Variants in C14orf39 observed in about 807,000 individuals in gnomAD.
C14orf39 encodes protein SIX6OS1.
C14orf39 carries 66 observed loss-of-function variants against 85.6 expected under a neutral mutation model. That is an observed-to-expected ratio of 0.77 (90% CI 0.63 to 0.95). The LOEUF (loss-of-function observed/expected upper bound fraction) is 0.95, where lower values mean the gene tolerates loss of function less well. Ranked by LOEUF, C14orf39 falls within the 40% of genes least tolerant of loss-of-function variation. The pLI, the probability that C14orf39 is intolerant of heterozygous loss-of-function variation, is 0.00. For synonymous variants in C14orf39, 242 were observed against 214.0 expected (o/e 1.13, Z -1.14); for missense variants, 735 against 663.9 (o/e 1.11, Z -1.18).
Position 60,483,741 on chromosome 14 carries a change from TTCC to T in C14orf39, c.180_182del (p.Glu61del). Reference sequence around the variant, plus strand: ...CACTATGTTTACAGTAATGATCAATTTCCTCATCTGTTGCATTTATAGTTTCGT... The same window carrying T: ...CACTATGTTTACAGTAATGATCAATTTCATCTGTTGCATTTATAGTTTCGT... On this transcript the variant is annotated inframe_deletion, in exon 4 of 18. Transcript: ENST00000321731. 1 of 1,596,112 alleles carries T rather than the reference TTCC, an allele frequency of 6.3e-7. No individual in the cohort carries two copies.
chr14:60,451,372 A>G (rs984299343), intron 16 of C14orf39, among the ~76,000 whole-genome samples: 5 of 152,156 alleles, frequency 3.3e-5, no homozygotes, highest in African/African-American at 1.2e-4. Flanking sequence ...TCATGCTACT[A>G]TAAAGACACA....
In C14orf39 at chr14:60,505,968, G is replaced by C. The variant is rs890375046; in HGVS notation, c.-143-6538C>G. Among the ~76,000 whole-genome samples the C allele has an allele frequency of 4.3e-4, 65 of 152,170 alleles. 1 individual carries two copies. Among genetic ancestry groups the C allele is most frequent in the Non-Finnish European group, 6.5e-4 (44 of 68,026 alleles). On this transcript the variant is annotated intron_variant, in intron 1 of 5. Coordinates refer to the C14orf39 transcript ENST00000556799. ...TGAACTCCAGATATTTCCGGCATGAGCCTCAGAATTCCCTGGGGGCACTTT... is the reference window on the plus strand; with the variant it reads ...TGAACTCCAGATATTTCCGGCATGACCCTCAGAATTCCCTGGGGGCACTTT...
chr14:60,509,952 C>A (rs1326036486), intron 1 of C14orf39: 11 of 1,605,596 alleles, frequency 6.9e-6, no homozygotes, highest in Non-Finnish European at 3.4e-6. Flanking sequence ...AGGGACCGAG[C>A]GGCTGCAGCC....
chr14:60,437,089 T>C (rs372218228), intron 17 of C14orf39, 42 bp from the exon 18 acceptor site: 99 of 1,373,820 alleles, frequency 7.2e-5, no homozygotes, highest in Non-Finnish European at 8.9e-5. Flanking sequence ...CTTCATATTA[T>C]ATAAAATTTT....
intron 17 of C14orf39, among the ~76,000 whole-genome samples, chr14:60,439,831 T>C (rs1890422980): frequency 6.6e-6 from 1 of 152,206 alleles, no homozygotes; most frequent in African/African-American, 2.4e-5. Context: ...CCCAGCACTT[T>C]GGGAGGCCGA....
chr14:60,511,309 A>C, intron 1 of C14orf39: 2 of 1,566,188 alleles, frequency 1.3e-6, no homozygotes, highest in Non-Finnish European at 8.8e-7. Flanking sequence ...GAAAAACAAA[A>C]TGAAAGAGGG....
rs565904639 is a variant in C14orf39, at chr14:60,485,037, T to C, written c.42A>G (p.Leu14=). Residue 14 remains leucine, a synonymous_variant, in exon 2 of 18, where the codon CTA becomes CTG. Coordinates refer to ENST00000321731, the MANE Select transcript of C14orf39 (RefSeq NM_174978.3). ...TTTTCACTTTATACCTACCAAATTC[T>C]AGCAAAAGTCTGTCCAAACTGACAA... ...SLFVSLDRLL[L]EFVFQYEQDI... is the part of the protein sequence containing the mutation. 60 of 1,609,492 alleles carry C rather than the reference T, an allele frequency of 3.7e-5. 1 individual carries two copies. The South Asian group carries it at 6.6e-4, about 18-fold the overall frequency.
chr14:60,507,724 T>G (rs1351082321), intron 1 of C14orf39, among the ~76,000 whole-genome samples: 1 of 152,142 alleles, frequency 6.6e-6, no homozygotes, highest in African/African-American at 2.4e-5. Context: ...GCCTTCTGAT[T>G]TACCAGATCT....
chr14:60,507,639 C>T (rs1893222403), intron 1 of C14orf39, among the ~76,000 whole-genome samples: 1 of 152,252 alleles, frequency 6.6e-6, no homozygotes, highest in Admixed American at 6.5e-5. Context: ...GGTTTTCCGT[C>T]AGAACGAGCT....
intron 1 of C14orf39, among the ~76,000 whole-genome samples, chr14:60,506,814 C>G (rs941519441): frequency 6.6e-6 from 1 of 152,198 alleles, no homozygotes; most frequent in Non-Finnish European, 1.5e-5. Context: ...GCCTCAGACA[C>G]GCAGAAGCTA....
intron 8 of C14orf39, among the ~76,000 whole-genome samples, 195 bp downstream of exon 8, chr14:60,469,335 TTAA>T (rs1184130619): frequency 6.8e-6 from 1 of 147,708 alleles, no homozygotes; most frequent in African/African-American, 2.4e-5. Context: ...ATAAAATATA[TTAA>T]TAAAATTAAT....
chr14:60,499,136 A>G (rs1304096951), intron 2 of C14orf39, among the ~76,000 whole-genome samples: 1 of 151,976 alleles, frequency 6.6e-6, no homozygotes, highest in Non-Finnish European at 1.5e-5. Flanking sequence ...GGCGCCTGTT[A>G]TCCCAGCTAC....
rs774172430 is a variant in C14orf39, at chr14:60,478,294, C to T, written c.323+6G>A. 2.1e-6 allele frequency: 3 copies of T among 1,431,544 alleles called. No homozygotes were observed. Among genetic ancestry groups the T allele is most frequent in the South Asian group, 2.6e-5 (2 of 76,132 alleles). The allele number at this position is 1,431,544 out of a possible 1,614,324, so 88.7% of individuals were successfully genotyped here. On this transcript the variant is annotated splice_donor_region_variant and intron_variant, in intron 5 of 17. Transcript: ENST00000321731. ...AGAATTGATAAACTTCATATAAGTA[C>T]TATACTTGTCTTTTTCAACAGTTCC...
At chr14:60,454,341 G>A (rs1891168973) in intron 16 of C14orf39, among the ~76,000 whole-genome samples, 1 of 151,808 alleles carries the variant, frequency 6.6e-6, no homozygotes, top group East Asian at 1.9e-4. Context: ...AGTGCTTTAT[G>A]TGTATAAACT....
Position 60,483,821 on chromosome 14 carries a change from C to A in C14orf39, c.107-4G>T. 6.8e-7 allele frequency: 1 copy of A among 1,477,394 alleles called. No homozygotes were observed. The highest frequency in any genetic ancestry group is 9.3e-7 in the Non-Finnish European group (1 of 1,077,848). 91.5% of individuals were successfully genotyped at this position (1,477,394 alleles called of 1,614,324 possible). A position where few individuals can be genotyped will look rare whatever the true frequency, so the allele number is the denominator to read the frequency against. Reference sequence around the variant, plus strand: ...TCCTTAATATCTTCACAGCATTCTACAAAGAGAAAATGTTTATTTTCTTAA... The same window carrying A: ...TCCTTAATATCTTCACAGCATTCTAAAAAGAGAAAATGTTTATTTTCTTAA... On this transcript the variant is annotated splice_polypyrimidine_tract_variant and splice_region_variant and intron_variant, in intron 3 of 17. Transcript: ENST00000321731.
At chr14:60,504,126 C>T (rs1018531) in intron 1 of C14orf39, among the ~76,000 whole-genome samples, 125,803 of 152,180 alleles carry the variant, frequency 0.83, 53,508 homozygotes, top group Non-Finnish European at 0.92. Flanking sequence ...GGGGAAACAG[C>T]GGGAGGGAAA....
At position 60,442,144 on chromosome 14, in the gene C14orf39, T is replaced by A; in HGVS notation, c.1504-13A>T. On this transcript the variant is annotated splice_polypyrimidine_tract_variant and intron_variant, in intron 16 of 17. Coordinates refer to ENST00000321731, the MANE Select transcript of C14orf39 (RefSeq NM_174978.3). ...AATGTTCATTAAACTGGAAAATAATTTCCATTAAATATTACTTGTGAAATC... is the reference window on the plus strand; with the variant it reads ...AATGTTCATTAAACTGGAAAATAATATCCATTAAATATTACTTGTGAAATC... 1 of 1,528,958 alleles carries A rather than the reference T, an allele frequency of 6.5e-7. No individual in the cohort carries two copies. Among genetic ancestry groups the A allele is most frequent in the Non-Finnish European group, 9.1e-7 (1 of 1,103,660 alleles). The allele number at this position is 1,528,958 out of a possible 1,614,324, so 94.7% of individuals were successfully genotyped here. A position where few individuals can be genotyped will look rare whatever the true frequency, so the allele number is the denominator to read the frequency against.
chr14:60,437,727 T>C (rs532343980), intron 17 of C14orf39, among the ~76,000 whole-genome samples: 1 of 152,188 alleles, frequency 6.6e-6, no homozygotes, highest in Admixed American at 6.5e-5. Flanking sequence ...GAAAAAATGC[T>C]GAATCTAAGA....
Position 60,511,121 on chromosome 14 carries a change from G to T in C14orf39, c.-144+4274C>A. Reference sequence around the variant, plus strand: ...GGTCCTGTCACAGGGTTCCGGGCGGGCACTACGGGCGGAGGGCGACGGCAC... The same window carrying T: ...GGTCCTGTCACAGGGTTCCGGGCGGTCACTACGGGCGGAGGGCGACGGCAC... On this transcript the variant is annotated intron_variant, in intron 1 of 5. Coordinates refer to the C14orf39 transcript ENST00000556799. The T allele has an allele frequency of 1.9e-6, 3 of 1,612,824 alleles. 1 individual carries two copies. In the South Asian group the frequency reaches 3.3e-5, roughly 18 times the overall value.
Sources: gnomAD v4.1 joint callset for allele counts (sites outside exome capture counted in the v4.1 genomes callset) on GRCh38, gnomAD v4.1.1 for gene constraint, MANE v1.5 for transcripts, NCBI Gene and HGNC (gene_info 2026-07-23, HGNC 2026-07-21) for gene names.